The following GSE1 variants were observed in gnomAD, a reference collection of about 807,000 sequenced individuals.
GSE1 encodes Gse1 coiled-coil protein, also known as genetic suppressor element 1.
Under a neutral mutation model 112.6 loss-of-function variants are expected in GSE1, and 32 were observed. The ratio of observed to expected loss-of-function variants is 0.28; its 90% confidence interval spans 0.21 to 0.38. The LOEUF (loss-of-function observed/expected upper bound fraction) is 0.38. GSE1 is among the 10% of genes least tolerant of loss of function. The pLI, the probability that GSE1 is intolerant of heterozygous loss-of-function variation, is 1.00. For missense variants in GSE1, 2,348 were observed against 1,699.2 expected, an observed-to-expected ratio of 1.38 and a Z score of -6.71; for synonymous variants, 1,115 against 735.6, an observed-to-expected ratio of 1.52 and a Z score of -8.35.
intron 1 of GSE1, among the ~76,000 whole-genome samples, chr16:85,303,745 C>T (rs1382676759): frequency 6.6e-6 from 1 of 152,248 alleles, no homozygotes; most frequent in Non-Finnish European, 1.5e-5. Context: ...TCTGGGGGCA[C>T]CTGGGAAAGC....
chr16:85,237,431 A>C (rs527602018), intron 1 of GSE1, among the ~76,000 whole-genome samples: 83 of 152,318 alleles, frequency 5.4e-4, no homozygotes, highest in African/African-American at 1.9e-3. Context: ...GGGACTGTTC[A>C]GTGACTGGAG....
intron 1 of GSE1, among the ~76,000 whole-genome samples, chr16:85,562,080 G>A (rs1199514591): frequency 6.6e-6 from 1 of 152,274 alleles, no homozygotes; most frequent in Non-Finnish European, 1.5e-5. Flanking sequence ...GACCCACTCT[G>A]GGCGCAGGTT....
At chr16:85,175,023 G>T (rs1012726288) in intron 1 of GSE1, among the ~76,000 whole-genome samples, 1 of 148,970 alleles carries the variant, frequency 6.7e-6, no homozygotes, top group Non-Finnish European at 1.5e-5. Context: ...CCAGAACCAT[G>T]ATCTCTGCTG....
Position 85,648,684 on chromosome 16 carries a change from C to T in GSE1, c.359C>T (p.Thr120Ile). 6.5e-7 allele frequency: 1 copy of T among 1,545,276 alleles called. No individual in the cohort carries two copies. The highest frequency in any genetic ancestry group is 8.9e-7 in the Non-Finnish European group (1 of 1,128,292). The change falls in exon 3 of 16, where the codon ACC becomes ATC. Residue 120 changes from threonine to isoleucine, a missense_variant. Coordinates refer to ENST00000253458, the MANE Select transcript of GSE1 (RefSeq NM_014615.5). The part of the protein sequence containing the change: ...VPPGGHSVPS[T>I]PPVVTIAPTK... ...CCTGGGGGCCACAGCGTGCCCAGCA[C>T]CCCCCCCGTGGTGACCATCGCTCCA... is the stretch of plus-strand genomic sequence containing the variant.
intron 1 of GSE1, among the ~76,000 whole-genome samples, chr16:85,258,208 C>G (rs1173792085): frequency 6.6e-6 from 1 of 152,186 alleles, no homozygotes; most frequent in African/African-American, 2.4e-5. Context: ...TGAGAGTCCC[C>G]TGAAGCTCCC....
At chr16:85,595,886 A>AC (rs1282991231) in intron 1 of GSE1, among the ~76,000 whole-genome samples, 1 of 88,490 alleles carries the variant, frequency 1.1e-5, no homozygotes, top group Non-Finnish European at 2.3e-5. Flanking sequence ...CTGCCCACCC[A>AC]CCCATTCCTC....
intron 2 of GSE1, among the ~76,000 whole-genome samples, chr16:85,464,029 C>G (rs2050054214): frequency 6.6e-6 from 1 of 152,186 alleles, no homozygotes; most frequent in African/African-American, 2.4e-5. Flanking sequence ...CTTCGGGCCC[C>G]TTACCTGCGG....
rs76366466 is a variant in GSE1, at chr16:85,581,620, G to A, written c.37+25257G>A. Among the ~76,000 whole-genome samples the A allele has an allele frequency of 4.4e-3, 674 of 152,262 alleles. 14 individuals are homozygous for A. The East Asian group carries it at 0.069, about 16-fold the overall frequency. ...GTTCAGCATGCGTCTCTGTGCATGC[G>A]CATGTGCATATGTGTGCAGGGGACA... On this transcript the variant is annotated intron_variant, in intron 1 of 2. Coordinates refer to the GSE1 transcript ENST00000635906.
At chr16:85,666,663 A>C (rs1159559535) in intron 13 of GSE1, 3 of 339,444 alleles carry the variant, frequency 8.8e-6, no homozygotes, top group Non-Finnish European at 1.6e-5. Context: ...AGATTAAAAG[A>C]TTCCCCAAAG....
chr16:85,672,230 GGTGATCTGCCCGCCTCGACCTCCAAAA>G, intron 15 of GSE1, 148 bp from the exon 16 acceptor site: 1 of 605,910 alleles, frequency 1.7e-6, no homozygotes, highest in South Asian at 1.8e-5. Context: ...CCTGACGACA[GGTGATCTGCCCGCCTCGACCTCCAAAA>G]GTGCTGGGAT....
At chr16:85,260,809 C>A (rs1342425255) in intron 1 of GSE1, among the ~76,000 whole-genome samples, 13 of 152,238 alleles carry the variant, frequency 8.5e-5, no homozygotes, top group Admixed American at 8.5e-4. Flanking sequence ...GGAGCCCCCA[C>A]CCCTGCATGA....
rs145358033 is a variant in GSE1 at position 85,498,147 on chromosome 16, C to T, written c.2465-135767C>T. 3.0e-4 allele frequency among the ~76,000 whole-genome samples: 45 copies of T among 152,214 alleles called. 1 individual carries two copies. Among genetic ancestry groups the T allele is most frequent in the African/African-American group, 1.0e-3 (43 of 41,548 alleles). ...AGTGGAGCTGGCGGGAGGAGGGAAG[C>T]ACAGTGCACACTCCCCCGTTTGTTC... On this transcript the variant is annotated intron_variant, in intron 2 of 2. Transcript: ENST00000637419.
intron 1 of GSE1, among the ~76,000 whole-genome samples, chr16:85,592,039 CA>C (rs924227136): frequency 3.3e-5 from 5 of 152,212 alleles, no homozygotes; most frequent in African/African-American, 7.2e-5. Context: ...CACCTGCGGC[CA>C]GGGGCACCCC....
chr16:85,645,664 C>T (rs924158437), intron 2 of GSE1, among the ~76,000 whole-genome samples: 8 of 152,222 alleles, frequency 5.3e-5, no homozygotes, highest in Non-Finnish European at 1.2e-4. Context: ...GGTGAATGTG[C>T]GCGTGCCCAC....
At chr16:85,196,889 G>A (rs1449651144) in intron 1 of GSE1, among the ~76,000 whole-genome samples, 3 of 152,116 alleles carry the variant, frequency 2.0e-5, no homozygotes, top group Non-Finnish European at 4.4e-5. Flanking sequence ...GTCACCCTGG[G>A]CTTGGGTTTC....
At chr16:85,423,811 C>T (rs1280719009) in intron 2 of GSE1, among the ~76,000 whole-genome samples, 1 of 152,248 alleles carries the variant, frequency 6.6e-6, no homozygotes, top group African/African-American at 2.4e-5. Context: ...CTGGAATGCT[C>T]TCCCCACGGT....
intron 2 of GSE1, among the ~76,000 whole-genome samples, chr16:85,362,679 C>T (rs2047106599): frequency 1.3e-5 from 2 of 152,176 alleles, no homozygotes; most frequent in South Asian, 2.1e-4. Flanking sequence ...CTCCCGGAGG[C>T]ACCATTCTTA....
chr16:85,350,249 C>G (rs372455183), intron 1 of GSE1, among the ~76,000 whole-genome samples: 1 of 152,298 alleles, frequency 6.6e-6, no homozygotes, highest in African/African-American at 2.4e-5. Flanking sequence ...CTCCTAGTCA[C>G]GCCAGCAGGT....
chr16:85,225,987 G>C (rs1320099173), intron 1 of GSE1, among the ~76,000 whole-genome samples: 1 of 152,132 alleles, frequency 6.6e-6, no homozygotes, highest in Non-Finnish European at 1.5e-5. Flanking sequence ...GGAGGCCTCA[G>C]TTCCTGGCCA....
Sources: allele counts gnomAD v4.1 joint callset (sites outside exome capture counted in the v4.1 genomes callset), GRCh38; gene constraint gnomAD v4.1.1; transcripts MANE v1.5; gene names NCBI Gene and HGNC (gene_info 2026-07-23, HGNC 2026-07-21).